The following CTNNA1 variants were observed in gnomAD, a reference collection of about 807,000 sequenced individuals.
The protein encoded by CTNNA1 is catenin alpha 1, also known as catenin alpha-1.
A neutral mutation model predicts 98.4 loss-of-function variants in CTNNA1; 37 were observed. The observed-to-expected ratio is 0.38, with a 90% confidence interval of 0.29 to 0.49. CTNNA1 has a LOEUF of 0.49. CTNNA1 is among the 20% of genes least tolerant of loss of function. The probability of loss-of-function intolerance (pLI) is 0.95; values close to 1 mark genes in which losing one functional copy is unlikely to be tolerated. For synonymous variants in CTNNA1, 404 were observed against 413.2 expected (o/e 0.98, Z 0.27); for missense variants, 761 against 1,147.2 (o/e 0.66, Z 4.86).
intron 1 of CTNNA1, among the ~76,000 whole-genome samples, chr5:138,779,014 G>A (rs1039148272): frequency 6.6e-6 from 1 of 151,990 alleles, no homozygotes; most frequent in African/African-American, 2.4e-5. Context: ...GAGTAGCTGC[G>A]ATCACAAGCA....
Position 138,859,053 on chromosome 5 carries a change from C to T in CTNNA1, c.1063-27159C>T, listed in dbSNP as rs569247591. Reference sequence around the variant, plus strand: ...CCAGCTTATTTGCCAGCTTACTTGGCATGGAGCATAGTATGATTGATGGGC... The same window carrying T: ...CCAGCTTATTTGCCAGCTTACTTGGTATGGAGCATAGTATGATTGATGGGC... On this transcript the variant is annotated intron_variant, in intron 7 of 17. Coordinates refer to ENST00000302763, the MANE Select transcript of CTNNA1 (RefSeq NM_001903.5). Among the ~76,000 whole-genome samples, 11 of 152,338 alleles carry T rather than the reference C, an allele frequency of 7.2e-5. No individual in the cohort carries two copies. The East Asian group carries it at 2.1e-3, about 29-fold the overall frequency.
intron 10 of CTNNA1, among the ~76,000 whole-genome samples, chr5:138,908,652 A>G (rs1006247236): frequency 6.6e-6 from 1 of 152,084 alleles, no homozygotes; most frequent in Non-Finnish European, 1.5e-5. Context: ...GCGACAGAGT[A>G]TGACCCCTTT....
rs144852291 is a variant in CTNNA1 at position 138,789,400 on chromosome 5, G to A, written c.301+6028G>A. Among the ~76,000 whole-genome samples the A allele has an allele frequency of 4.8e-3, 725 of 152,274 alleles. 3 individuals are homozygous for A. Among genetic ancestry groups the A allele is most frequent in the African/African-American group, 0.015 (610 of 41,544 alleles). On this transcript the variant is annotated intron_variant, in intron 3 of 17. Transcript: ENST00000302763. ...GCAAGATGGGCATGAGAAACAGTGA[G>A]GTCCCTGGCTGGAGGTGGGTGCTAG...
At chr5:138,872,736 G>A (rs924235014) in intron 7 of CTNNA1, 3 of 297,872 alleles carry the variant, frequency 1.0e-5, no homozygotes, top group African/African-American at 4.4e-5. Flanking sequence ...GTTTACACAC[G>A]ATTGTATATA....
At chr5:138,758,879 C>T (rs1346677087) in intron 1 of CTNNA1, among the ~76,000 whole-genome samples, 1 of 151,690 alleles carries the variant, frequency 6.6e-6, no homozygotes, top group African/African-American at 2.4e-5. Context: ...GTGATCTTGG[C>T]TCACTGCACT....
At chr5:138,764,095 G>C (rs1752645752) in intron 1 of CTNNA1, among the ~76,000 whole-genome samples, 1 of 152,234 alleles carries the variant, frequency 6.6e-6, no homozygotes, top group Non-Finnish European at 1.5e-5. Context: ...TGAGGCAGGA[G>C]AATTGCTTGA....
chr5:138,845,491 T>C (rs1762629568), intron 7 of CTNNA1, among the ~76,000 whole-genome samples: 1 of 152,240 alleles, frequency 6.6e-6, no homozygotes, highest in Non-Finnish European at 1.5e-5. Context: ...ATGAGGGTGG[T>C]TACTGTTTGT....
At position 138,904,369 on chromosome 5, in the gene CTNNA1, C is replaced by T. The variant is rs781149066; in HGVS notation, c.1317C>T (p.Ser439=). Residue 439 remains serine (S), a synonymous_variant, in exon 10 of 18, where the codon TCC becomes TCT. Coordinates refer to ENST00000302763, the MANE Select transcript of CTNNA1 (RefSeq NM_001903.5). The part of the protein sequence containing the change: ...KLIEVANLAC[S]ISNNEEGVKL... ...TATAGGTTGCCAACTTGGCCTGTTC[C>T]ATCTCAAATAATGAAGAAGGTGTAA... 5 of 1,613,690 alleles carry T rather than the reference C, an allele frequency of 3.1e-6. No individual in the cohort carries two copies. The highest frequency in any genetic ancestry group is 4.2e-6 in the Non-Finnish European group (5 of 1,179,844).
At chr5:138,771,540 A>T (rs538690662) in intron 1 of CTNNA1, among the ~76,000 whole-genome samples, 264 of 149,746 alleles carry the variant, frequency 1.8e-3, no homozygotes, top group African/African-American at 6.3e-3. Context: ...TGCCCAGCTA[A>T]TTTTTTTTTT....
chr5:138,930,773 A>ACTGTGAGGGGCTTCACAGCCC, intron 15 of CTNNA1, 57 bp from the exon 16 acceptor site: 1 of 1,522,718 alleles, frequency 6.6e-7, no homozygotes, highest in Non-Finnish European at 9.1e-7. Flanking sequence ...TTCTTTTTCT[A>ACTGTGAGGGGCTTCACAGCCC]CTCCAACTGT....
chr5:138,767,817 AG>A (rs1346919165), intron 1 of CTNNA1, among the ~76,000 whole-genome samples: 2 of 152,210 alleles, frequency 1.3e-5, no homozygotes, highest in Non-Finnish European at 2.9e-5. Flanking sequence ...ATAACATAAC[AG>A]GCCCTGCATA....
intron 1 of CTNNA1, among the ~76,000 whole-genome samples, chr5:138,768,559 T>G (rs1022083418): frequency 2.6e-4 from 4 of 15,480 alleles, no homozygotes; most frequent in Admixed American, 6.6e-4. Flanking sequence ...ACGGTGTCTG[T>G]TTTTTTTTTT....
At chr5:138,827,265 G>T (rs954960021) in intron 6 of CTNNA1, among the ~76,000 whole-genome samples, 1 of 152,160 alleles carries the variant, frequency 6.6e-6, no homozygotes, top group African/African-American at 2.4e-5. Flanking sequence ...TGATATGTTT[G>T]TATTTGTGGT....
chr5:138,817,785 A>G (rs917221829), intron 5 of CTNNA1, among the ~76,000 whole-genome samples: 1 of 152,008 alleles, frequency 6.6e-6, no homozygotes, highest in Non-Finnish European at 1.5e-5. Flanking sequence ...GTTCTTCTTC[A>G]TGCATTCTTT....
intron 1 of CTNNA1, among the ~76,000 whole-genome samples, chr5:138,768,427 C>CTT (rs879545391): frequency 2.7e-5 from 4 of 145,614 alleles, no homozygotes; most frequent in Non-Finnish European, 6.1e-5. Flanking sequence ...CCCAGCTAAG[C>CTT]TTTTTTTTTT....
At chr5:138,911,458 A>C (rs921295986) in intron 10 of CTNNA1, among the ~76,000 whole-genome samples, 4 of 147,888 alleles carry the variant, frequency 2.7e-5, no homozygotes, top group East Asian at 2.0e-4. Flanking sequence ...ATCCCAGTGG[A>C]CCCCCCCCCA....
intron 3 of CTNNA1, among the ~76,000 whole-genome samples, chr5:138,807,811 G>A (rs1258867819): frequency 6.6e-6 from 1 of 151,960 alleles, no homozygotes; most frequent in African/African-American, 2.4e-5. Flanking sequence ...GCAGTGGCGT[G>A]TTCTCGGTTC....
At chr5:138,928,771 TAA>T (rs889369726) in intron 13 of CTNNA1, among the ~76,000 whole-genome samples, 9 of 152,070 alleles carry the variant, frequency 5.9e-5, no homozygotes, top group African/African-American at 2.2e-4. Context: ...CCGTCTCTAC[TAA>T]AAATACAAAA....
chr5:138,911,060 G>A (rs540182128), intron 10 of CTNNA1, among the ~76,000 whole-genome samples: 1 of 152,258 alleles, frequency 6.6e-6, no homozygotes, highest in Admixed American at 6.5e-5. Context: ...GCAACATAGT[G>A]AGACCCTGTA....
Sources: allele counts gnomAD v4.1 joint callset (sites outside exome capture counted in the v4.1 genomes callset), GRCh38; gene constraint gnomAD v4.1.1; transcripts MANE v1.5; gene names NCBI Gene and HGNC (gene_info 2026-07-23, HGNC 2026-07-21).